IL1RAPL1: variants seen among roughly 807,000 people sequenced by gnomAD.
The protein encoded by IL1RAPL1 is interleukin-1 receptor accessory protein-like 1.
Under a neutral mutation model 48.4 loss-of-function variants are expected in IL1RAPL1, and 3 were observed. The ratio of observed to expected loss-of-function variants is 0.06; its 90% confidence interval spans 0.03 to 0.16. The LOEUF is 0.16. Among genes scored for constraint, IL1RAPL1 ranks in the 10% least tolerant of loss-of-function variants. The pLI, the probability that IL1RAPL1 is intolerant of heterozygous loss-of-function variation, is 1.00. For missense variants in IL1RAPL1, 349 were observed against 530.6 expected, an observed-to-expected ratio of 0.66 and a Z score of 3.36; for synonymous variants, 185 against 187.7, an observed-to-expected ratio of 0.99 and a Z score of 0.12.
chrX:29,750,170 C>T (rs373782636), intron 6 of IL1RAPL1, among the ~76,000 whole-genome samples: 20 of 112,069 alleles, frequency 1.8e-4, no homozygotes, highest in Non-Finnish European at 2.8e-4. Flanking sequence ...GAAAACTTTT[C>T]GTTTCTATTT....
At chrX:29,200,314 CTG>C (rs756356236) in intron 2 of IL1RAPL1, among the ~76,000 whole-genome samples, 38 of 111,359 alleles carry the variant, frequency 3.4e-4, no homozygotes, top group African/African-American at 1.0e-3. Flanking sequence ...TCATGGTTCT[CTG>C]TGGCACAGCC....
chrX:29,077,636 G>A (rs765004431), intron 2 of IL1RAPL1, among the ~76,000 whole-genome samples: 3 of 101,512 alleles, frequency 3.0e-5, no homozygotes, highest in South Asian at 4.2e-4. Context: ...AAAGAAAACC[G>A]AAAACCTACC....
intron 2 of IL1RAPL1, among the ~76,000 whole-genome samples, chrX:28,983,451 A>G (rs949242208): frequency 8.9e-5 from 10 of 112,095 alleles, no homozygotes; most frequent in African/African-American, 3.2e-4. Flanking sequence ...CCACTAATCT[A>G]AAGCATATGC....
intron 5 of IL1RAPL1, among the ~76,000 whole-genome samples, chrX:29,505,731 C>T (rs1602268875): frequency 1.8e-5 from 2 of 110,785 alleles, no homozygotes; most frequent in African/African-American, 6.6e-5. Context: ...TTATTTGGGT[C>T]GAATGTATTT....
chrX:28,695,071 T>C (rs1935216069), intron 1 of IL1RAPL1, among the ~76,000 whole-genome samples: 1 of 111,721 alleles, frequency 9.0e-6, no homozygotes, highest in African/African-American at 3.2e-5. Flanking sequence ...GTGGGAGATG[T>C]ATGGAATAAC....
chrX:29,853,545 CT>C (rs1215376849), intron 6 of IL1RAPL1, among the ~76,000 whole-genome samples: 1 of 109,142 alleles, frequency 9.2e-6, no homozygotes, highest in Non-Finnish European at 1.9e-5. Flanking sequence ...TTATCTGATG[CT>C]TTTTTTTTCT....
chrX:28,747,469 C>T (rs1180087644), intron 1 of IL1RAPL1, among the ~76,000 whole-genome samples: 1 of 110,513 alleles, frequency 9.0e-6, no homozygotes, highest in African/African-American at 3.3e-5. Flanking sequence ...GGTAAAATCC[C>T]GTCTCTACTG....
At chrX:29,042,515 A>G (rs1926869478) in intron 2 of IL1RAPL1, among the ~76,000 whole-genome samples, 1 of 111,893 alleles carries the variant, frequency 8.9e-6, no homozygotes, top group Non-Finnish European at 1.9e-5. Context: ...TAACATATGA[A>G]TAGACCTGTT....
chrX:29,041,752 A>G (rs1214630373), intron 2 of IL1RAPL1, among the ~76,000 whole-genome samples: 1 of 112,202 alleles, frequency 8.9e-6, no homozygotes, highest in African/African-American at 3.2e-5. Flanking sequence ...AGGTTCAGCC[A>G]AAAAGATGAC....
chrX:28,956,509 A>G (rs1338423656), intron 2 of IL1RAPL1, among the ~76,000 whole-genome samples: 3 of 108,909 alleles, frequency 2.8e-5, no homozygotes, highest in South Asian at 8.1e-4. Flanking sequence ...TTCTGCATCT[A>G]TTGAGATAAT....
At chrX:28,915,572 T>C (rs999438505) in intron 2 of IL1RAPL1, among the ~76,000 whole-genome samples, 2 of 111,726 alleles carry the variant, frequency 1.8e-5, no homozygotes, top group African/African-American at 6.5e-5. Flanking sequence ...ACACTAGAAG[T>C]ACATTATTAT....
At chrX:29,695,597 CGAGAGAGA>C (rs10635140) in intron 6 of IL1RAPL1, among the ~76,000 whole-genome samples, 10 of 94,864 alleles carry the variant, frequency 1.1e-4, no homozygotes, top group East Asian at 6.8e-4. Context: ...TGCAAGGTGG[CGAGAGAGA>C]GAGAGAGAGA....
chrX:29,736,288 G>A (rs1243479396), intron 6 of IL1RAPL1, among the ~76,000 whole-genome samples: 1 of 112,225 alleles, frequency 8.9e-6, no homozygotes, highest in Non-Finnish European at 1.9e-5. Context: ...TACTCAGGAA[G>A]CTGAGGCAGG....
intron 2 of IL1RAPL1, among the ~76,000 whole-genome samples, chrX:29,247,237 G>A (rs1931530548): frequency 9.0e-6 from 1 of 111,614 alleles, no homozygotes; most frequent in African/African-American, 3.3e-5. Flanking sequence ...TAGAAATTAT[G>A]AAACAATAGG....
chrX:29,954,394 G>T (rs1191177171), intron 9 of IL1RAPL1, 128 bp from the exon 10 acceptor site: 4 of 528,864 alleles, frequency 7.6e-6, no homozygotes, highest in Non-Finnish European at 1.3e-5. Flanking sequence ...CTTAATGAAG[G>T]CTTCATTTTT....
intron 5 of IL1RAPL1, among the ~76,000 whole-genome samples, chrX:29,554,581 A>C (rs1391812565): frequency 9.0e-6 from 1 of 111,642 alleles, no homozygotes; most frequent in African/African-American, 3.3e-5. Flanking sequence ...CAGTGCACCT[A>C]AGATAATTTA....
intron 5 of IL1RAPL1, among the ~76,000 whole-genome samples, chrX:29,599,196 G>C (rs753646350): frequency 8.9e-6 from 1 of 112,254 alleles, no homozygotes; most frequent in African/African-American, 3.2e-5. Flanking sequence ...CCTTTTAGCA[G>C]TTCTTGTAGT....
At chrX:29,046,719 G>A (rs1383710864) in intron 2 of IL1RAPL1, among the ~76,000 whole-genome samples, 2 of 111,813 alleles carry the variant, frequency 1.8e-5, no homozygotes, top group African/African-American at 6.5e-5. Flanking sequence ...GGTGTCATCA[G>A]ATTATCTGTC....
At chrX:29,094,411 T>A (rs1417849342) in intron 2 of IL1RAPL1, among the ~76,000 whole-genome samples, 1 of 110,492 alleles carries the variant, frequency 9.1e-6, no homozygotes, top group African/African-American at 3.3e-5. Context: ...TGTATCGTAG[T>A]TGATAACATA....
Sources: allele counts gnomAD v4.1 joint callset (sites outside exome capture counted in the v4.1 genomes callset), GRCh38; gene constraint gnomAD v4.1.1; transcripts MANE v1.5; gene names NCBI Gene and HGNC (gene_info 2026-07-23, HGNC 2026-07-21).